ACBD3: variants seen among roughly 807,000 people sequenced by gnomAD.
ACBD3 encodes the protein acyl-CoA binding domain containing 3.
Under a neutral mutation model 66.9 loss-of-function variants are expected in ACBD3, and 30 were observed. The observed-to-expected ratio is 0.45, with a 90% CI of 0.34 to 0.61. ACBD3 has a LOEUF of 0.61. Ranked by LOEUF, ACBD3 falls within the 20% of genes least tolerant of loss-of-function variation. ACBD3 has a pLI of 0.02. For synonymous variants in ACBD3, 278 were observed against 259.8 expected (o/e 1.07, Z -0.68); for missense variants, 544 against 664.5 (o/e 0.82, Z 1.99).
At chr1:226,183,814 G>A (rs1027801562) in intron 1 of ACBD3, among the ~76,000 whole-genome samples, 1 of 149,622 alleles carries the variant, frequency 6.7e-6, no homozygotes, top group African/African-American at 2.5e-5. Context: ...AACCCTCGAG[G>A]CAGAGGTTGC....
intron 1 of ACBD3, among the ~76,000 whole-genome samples, chr1:226,172,918 C>T (rs962774475): frequency 1.3e-5 from 2 of 152,116 alleles, no homozygotes; most frequent in African/African-American, 2.4e-5. Context: ...AAAGCACCAC[C>T]GAACTCCAGC....
Position 226,186,585 on chromosome 1 carries a change from C to T in ACBD3, c.91G>A (p.Gly31Ser). The change falls in exon 1 of 8, where the codon GGC becomes AGC. Residue 31 changes from glycine to serine, a missense_variant. Transcript: ENST00000366812. ...PDPEERPGAEGAPLLPPPLPP... is the reference protein window; with the variant it reads ...PDPEERPGAESAPLLPPPLPP... ...AGCGGTGGCGGCAGCAGCGGGGCGC[C>T]CTCCGCCCCAGGCCGCTCCTCCGGG... 2 of 1,384,888 alleles carry T rather than the reference C, an allele frequency of 1.4e-6. No individual in the cohort carries two copies. Among genetic ancestry groups the T allele is most frequent in the Non-Finnish European group, 1.9e-6 (2 of 1,073,472 alleles). 85.8% of individuals were successfully genotyped at this position (1,384,888 alleles called of 1,614,324 possible).
At chr1:226,183,970 T>C (rs1286732175) in intron 1 of ACBD3, among the ~76,000 whole-genome samples, 3 of 148,424 alleles carry the variant, frequency 2.0e-5, no homozygotes, top group Non-Finnish European at 4.4e-5. Context: ...CGCAGGAGGA[T>C]CACGAGGTCA....
chr1:226,181,718 T>A (rs1656174056), intron 1 of ACBD3, among the ~76,000 whole-genome samples: 1 of 152,194 alleles, frequency 6.6e-6, no homozygotes, highest in Non-Finnish European at 1.5e-5. Flanking sequence ...TCTGAAATCT[T>A]AAATTAATGT....
chr1:226,172,318 GT>G lies in ACBD3; in HGVS notation c.287-6319del, dbSNP rs1447183483. ...CTCACAAAAGAAATTGACTTTATGG[GT>G]CAACTACTGTGAGAATGAACAAAAC... On this transcript the variant is annotated intron_variant, in intron 1 of 7. Coordinates refer to ENST00000366812, the MANE Select transcript of ACBD3 (RefSeq NM_022735.4). 2.0e-5 allele frequency among the ~76,000 whole-genome samples: 3 copies of G among 152,042 alleles called. No homozygotes were observed. In the East Asian group the frequency reaches 5.8e-4, roughly 29 times the overall value.
intron 1 of ACBD3, among the ~76,000 whole-genome samples, chr1:226,177,310 G>GC (rs1656062536): frequency 6.6e-6 from 1 of 150,726 alleles, no homozygotes; most frequent in South Asian, 2.1e-4. Context: ...CCATTCTCCT[G>GC]CCTCAGCCTC....
Position 226,175,044 on chromosome 1 carries a change from G to A in ACBD3, c.287-9044C>T, listed in dbSNP as rs189733419. Among the ~76,000 whole-genome samples the A allele has an allele frequency of 5.0e-4, 67 of 133,848 alleles. No individual in the cohort carries two copies. In the East Asian group the frequency reaches 0.013, roughly 26 times the overall value. The allele number at this position is 133,848 out of a possible 152,430, so 87.8% of individuals were successfully genotyped here. A position where few individuals can be genotyped will look rare whatever the true frequency, so the allele number is the denominator to read the frequency against. On this transcript the variant is annotated intron_variant, in intron 1 of 7. Transcript: ENST00000366812. ...TGGGAGGCGGAGGTTACAGTGAGCC[G>A]AAATTGCCACTGTGTTCCAGCCTGA...
intron 1 of ACBD3, among the ~76,000 whole-genome samples, chr1:226,166,804 A>C (rs1476774084): frequency 1.3e-5 from 2 of 152,090 alleles, no homozygotes; most frequent in African/African-American, 2.4e-5. Flanking sequence ...GGTTGTAAAA[A>C]TAAGCCAACT....
intron 1 of ACBD3, among the ~76,000 whole-genome samples, chr1:226,183,616 G>A (rs983080798): frequency 4.6e-5 from 7 of 152,106 alleles, no homozygotes; most frequent in Non-Finnish European, 5.9e-5. Context: ...CAAAGGTGCC[G>A]GGCACGGTGG....
At chr1:226,154,565 T>C in intron 6 of ACBD3, 82 bp downstream of exon 6, 1 of 1,455,204 alleles carries the variant, frequency 6.9e-7, no homozygotes, top group Non-Finnish European at 9.3e-7. Flanking sequence ...TCTCAAAAGC[T>C]AATTATAACC....
chr1:226,168,683 G>A (rs1659918994), intron 1 of ACBD3, among the ~76,000 whole-genome samples: 1 of 152,208 alleles, frequency 6.6e-6, no homozygotes, highest in African/African-American at 2.4e-5. Flanking sequence ...TTACGATGAT[G>A]CTGGCGTTAA....
chr1:226,167,497 C>T (rs182724014), intron 1 of ACBD3, among the ~76,000 whole-genome samples: 8 of 152,216 alleles, frequency 5.3e-5, no homozygotes, highest in Admixed American at 1.3e-4. Context: ...ATTAAGAGTG[C>T]GACCAGTTTG....
At position 226,186,570 on chromosome 1, in the gene ACBD3, G is replaced by A. The variant is rs1656322268; in HGVS notation, c.106C>T (p.Pro36Ser). 4 of 1,363,344 alleles carry A rather than the reference G, an allele frequency of 2.9e-6. No individual in the cohort carries two copies. The highest frequency in any genetic ancestry group is 3.8e-6 in the Non-Finnish European group (4 of 1,063,308). 84.5% of individuals were successfully genotyped at this position (1,363,344 alleles called of 1,614,324 possible). ...GGCGAGGGCGGTGGCAGCGGTGGCG[G>A]CAGCAGCGGGGCGCCCTCCGCCCCA... Reference protein sequence around the residue: ...RPGAEGAPLLPPPLPPPSPPG... With the variant: ...RPGAEGAPLLSPPLPPPSPPG... Residue 36 changes from proline (P) to serine (S), a missense_variant, in exon 1 of 8, where the codon CCG (proline) becomes TCG (serine). Physicochemically the swap from Pro to Ser is moderately conservative, Grantham distance 74. This residue lies in a region of ACBD3 where 137 missense variants were observed against 145.9 expected (regional missense o/e 0.94). Coordinates refer to ENST00000366812, the MANE Select transcript of ACBD3 (RefSeq NM_022735.4).
chr1:226,159,084 A>G, intron 5 of ACBD3, 100 bp downstream of exon 5: 4 of 1,375,632 alleles, frequency 2.9e-6, no homozygotes, highest in Non-Finnish European at 4.0e-6. Context: ...CTTAGAGGCT[A>G]ACTAATGCAA....
chr1:226,182,733 TCTC>T (rs1202247995), intron 1 of ACBD3, among the ~76,000 whole-genome samples: 15 of 152,238 alleles, frequency 9.9e-5, no homozygotes, highest in African/African-American at 3.6e-4. Flanking sequence ...TGCTTTGACT[TCTC>T]ATGGCTTTCA....
At chr1:226,146,983 C>T (rs898419184) in intron 7 of ACBD3, among the ~76,000 whole-genome samples, 162 bp from the exon 8 acceptor site, 1 of 152,184 alleles carries the variant, frequency 6.6e-6, no homozygotes, top group African/African-American at 2.4e-5. Flanking sequence ...CCTCCACCTC[C>T]TGGGTGCAAG....
At chr1:226,167,720 T>C (rs1391742949) in intron 1 of ACBD3, among the ~76,000 whole-genome samples, 1 of 152,190 alleles carries the variant, frequency 6.6e-6, no homozygotes, top group Non-Finnish European at 1.5e-5. Flanking sequence ...TTCATGTATA[T>C]AGTGGTGAAA....
intron 7 of ACBD3, chr1:226,147,872 C>T (rs1659488499): frequency 6.6e-6 from 1 of 152,118 alleles, no homozygotes; most frequent in African/African-American, 2.4e-5. Context: ...TAATACAAAC[C>T]AGCTCAAAGA....
rs928837396 is a variant in ACBD3, at chr1:226,155,945, T to C, written c.904-1112A>G. On this transcript the variant is annotated intron_variant, in intron 5 of 7. Transcript: ENST00000366812. ...AAAACATCTTAAATCCAAAGGACTATTTTGGGACATTCCTCTTCTAAATCA... is the reference window on the plus strand; with the variant it reads ...AAAACATCTTAAATCCAAAGGACTACTTTGGGACATTCCTCTTCTAAATCA... Among the ~76,000 whole-genome samples the C allele has an allele frequency of 2.0e-5, 3 of 152,212 alleles. 1 individual carries two copies. Among genetic ancestry groups the C allele is most frequent in the African/African-American group, 7.2e-5 (3 of 41,450 alleles).
Sources: allele counts gnomAD v4.1 joint callset (sites outside exome capture counted in the v4.1 genomes callset), GRCh38; gene constraint gnomAD v4.1.1; regional missense constraint gnomAD v4.1.1; transcripts MANE v1.5; gene names NCBI Gene and HGNC (gene_info 2026-07-23, HGNC 2026-07-21).